The following PPP1R12C variants were observed in gnomAD, a reference collection of about 807,000 sequenced individuals.
PPP1R12C encodes protein phosphatase 1 regulatory subunit 12C.
In PPP1R12C, 48 loss-of-function variants were observed where a neutral mutation model predicts 95.6. The observed-to-expected ratio is 0.50, with a 90% CI of 0.40 to 0.64. The LOEUF (loss-of-function observed/expected upper bound fraction) is 0.64, where lower values mean the gene tolerates loss of function less well. Among genes scored for constraint, PPP1R12C ranks in the 30% least tolerant of loss-of-function variants. The probability of loss-of-function intolerance (pLI) is 0.00; values close to 1 mark genes in which losing one functional copy is unlikely to be tolerated. For synonymous variants in PPP1R12C, 480 were observed against 460.8 expected (o/e 1.04, Z -0.53); for missense variants, 1,057 against 1,083.3 (o/e 0.98, Z 0.34).
At chr19:55,112,942 CTGTT>C in intron 1 of PPP1R12C, 147 bp from the exon 2 acceptor site, 1 of 1,181,340 alleles carries the variant, frequency 8.5e-7, no homozygotes, top group Admixed American at 2.3e-5. Context: ...TGGCCACTGG[CTGTT>C]TAAGATACGC....
intron 1 of PPP1R12C, chr19:55,114,670 A>C (rs1030243687): frequency 3.3e-5 from 5 of 152,376 alleles, no homozygotes; most frequent in Non-Finnish European, 5.9e-5. Flanking sequence ...TTGGCCACGT[A>C]ACCTGAGAAG....
Position 55,109,143 on chromosome 19 carries a change from G to T in PPP1R12C, c.571+3324C>A, listed in dbSNP as rs2085069310. Among the ~76,000 whole-genome samples, 1 of 152,088 alleles carries T rather than the reference G, an allele frequency of 6.6e-6. No homozygotes were observed. Among genetic ancestry groups the T allele is most frequent in the Non-Finnish European group, 1.5e-5 (1 of 68,016 alleles). On this transcript the variant is annotated intron_variant, in intron 3 of 21. Transcript: ENST00000263433. This position sits in a 1 kb window ranked among gnomAD's most constrained non-coding sequence, Gnocchi z 4.4. ...TTTTGGTTTATTTGGTTGAGACAGG[G>T]TCTTGCCCCCAGGCTGGAGTGACCG...
intron 4 of PPP1R12C, among the ~76,000 whole-genome samples, chr19:55,101,601 T>G (rs1860325): frequency 0.94 from 142,647 of 152,336 alleles, 66,931 homozygotes; most frequent in East Asian, 1. Context: ...TGCTGGCTGG[T>G]ATGCAGGTGC....
chr19:55,103,765 G>A (rs1313741791), intron 3 of PPP1R12C, among the ~76,000 whole-genome samples, 197 bp from the exon 4 acceptor site: 1 of 152,050 alleles, frequency 6.6e-6, no homozygotes, highest in Non-Finnish European at 1.5e-5. Flanking sequence ...TCCCACTCAG[G>A]GTCTCTGAGT....
intron 4 of PPP1R12C, among the ~76,000 whole-genome samples, chr19:55,100,205 G>A (rs373100461): frequency 2.6e-5 from 4 of 152,038 alleles, no homozygotes; most frequent in African/African-American, 9.6e-5. Flanking sequence ...TGACCCCAAA[G>A]CCCCTCCTCA....
chr19:55,104,179 AGTATAT>A (rs2085009502), intron 3 of PPP1R12C, among the ~76,000 whole-genome samples: 1 of 104,368 alleles, frequency 9.6e-6, no homozygotes, highest in Non-Finnish European at 1.8e-5. Context: ...AAAAAAAAAA[AGTATAT>A]ATATATATAT....
intron 3 of PPP1R12C, among the ~76,000 whole-genome samples, chr19:55,108,439 G>A (rs1475384381): frequency 6.6e-6 from 1 of 151,696 alleles, no homozygotes; most frequent in African/African-American, 2.4e-5. Context: ...GACTAGCTTG[G>A]GCAACGTGGT....
In PPP1R12C at chr19:55,092,210, C is replaced by A; in HGVS notation, c.2160+12G>T. The A allele has an allele frequency of 6.4e-7, 1 of 1,552,612 alleles. No homozygotes were observed. ...CTGCCAGTTCCCGTGACCCTGGCCT[C>A]GGCGCCCTTACCTGCGTGGCCCGCT... is the stretch of plus-strand genomic sequence containing the variant. On this transcript the variant is annotated intron_variant, in intron 19 of 21. Coordinates refer to ENST00000263433, the MANE Select transcript of PPP1R12C (RefSeq NM_017607.4).
chr19:55,092,180 C>G (rs1390790774), intron 19 of PPP1R12C, 42 bp downstream of exon 19: 3 of 1,499,160 alleles, frequency 2.0e-6, no homozygotes, highest in Non-Finnish European at 1.8e-6. Context: ...CCCACCCAGG[C>G]GGCCCTGCCA....
In PPP1R12C at chr19:55,096,098, C is replaced by T. The variant is rs1428067509; in HGVS notation, c.1106G>A (p.Gly369Glu). ...ATCCTCGTCCTGGATGGGGGGCCCC[C>T]CAGCCCCACCAGGCCGGCGCTCCTT... ...LSKERRPGGA[G>E]GPPIQDEDEG... Residue 369 changes from glycine to glutamate, a missense_variant, in exon 8 of 22, where the codon GGG becomes GAG. This residue lies in a region of PPP1R12C where 356 missense variants were observed against 330.5 expected (regional missense o/e 1.08). Transcript: ENST00000263433. The T allele has an allele frequency of 1.9e-6, 3 of 1,600,352 alleles. No individual in the cohort carries two copies. The highest frequency in any genetic ancestry group is 2.6e-6 in the Non-Finnish European group (3 of 1,174,862).
At position 55,097,100 on chromosome 19, in the gene PPP1R12C, G is replaced by A. The variant is rs1248009142; in HGVS notation, c.952-765C>T. On this transcript the variant is annotated intron_variant, in intron 6 of 21. Transcript: ENST00000263433. ...ACCACCGTCTTCACCCCTACCCCGC[G>A]CAGTTCGCAGTTCACCACCGTCTTC... The A allele has an allele frequency of 1.2e-3, 179 of 147,568 alleles. 1 individual carries two copies. The highest frequency in any genetic ancestry group is 1.6e-3 in the Non-Finnish European group (135 of 83,294). 9.1% of individuals were successfully genotyped at this position (147,568 alleles called of 1,614,324 possible). A position where few individuals can be genotyped will look rare whatever the true frequency, so the allele number is the denominator to read the frequency against.
chr19:55,116,475 G>A (rs2085155010), intron 1 of PPP1R12C, among the ~76,000 whole-genome samples: 1 of 152,058 alleles, frequency 6.6e-6, no homozygotes, highest in African/African-American at 2.4e-5. Flanking sequence ...AGGCGGCAGG[G>A]AAGGATCTGG....
intron 4 of PPP1R12C, 87 bp downstream of exon 4, chr19:55,103,322 C>T (rs529992865): frequency 3.8e-5 from 48 of 1,274,588 alleles, no homozygotes; most frequent in East Asian, 5.6e-5. Flanking sequence ...ACATAGCCTT[C>T]GGTACATACA....
Position 55,117,600 on chromosome 19 carries a change from A to ACCCG in PPP1R12C, c.-61_-58dup, listed in dbSNP as rs567100009. The ACCCG allele has an allele frequency of 1.5e-3, 1,345 of 879,470 alleles. 4 individuals are homozygous for ACCCG. The highest frequency in any genetic ancestry group is 9.5e-3 in the South Asian group (180 of 18,916). 54.5% of individuals were successfully genotyped at this position (879,470 alleles called of 1,614,324 possible). A position where few individuals can be genotyped will look rare whatever the true frequency, so the allele number is the denominator to read the frequency against. The stretch of plus-strand genomic sequence containing the variant: ...GCGCCGAGCCCCAACCGCCGCCACC[A>ACCCG]CCCGCCCGCCCGCCCGCCCCGGGGG... On this transcript the variant is annotated 5_prime_UTR_variant, in exon 1 of 22. Transcript: ENST00000263433.
At chr19:55,108,223 C>A (rs1362831477) in intron 3 of PPP1R12C, among the ~76,000 whole-genome samples, 1 of 152,002 alleles carries the variant, frequency 6.6e-6, no homozygotes, top group Non-Finnish European at 1.5e-5. Context: ...GCCTGAGCCA[C>A]CGCGCCCAGC....
chr19:55,103,144 C>T (rs2084996639), intron 4 of PPP1R12C, among the ~76,000 whole-genome samples: 2 of 151,852 alleles, frequency 1.3e-5, no homozygotes, highest in Non-Finnish European at 2.9e-5. Flanking sequence ...CAGTGAGCCA[C>T]GACTGTGCCA....
intron 17 of PPP1R12C, 24 bp from the exon 18 acceptor site, chr19:55,092,568 T>C (rs2084857683): frequency 6.3e-7 from 1 of 1,580,186 alleles, no homozygotes; most frequent in South Asian, 1.1e-5. Context: ...GGAGCGCGCG[T>C]CAGGGGCCGG....
In PPP1R12C at chr19:55,095,890, G is replaced by A. The variant is rs1430120589; in HGVS notation, c.1204C>T (p.His402Tyr). ...ACCACGGGACTCTTAGGGCTGGGGT[G>A]CGGCGGGGAGGAGACGCCATTGAGG... is the stretch of plus-strand genomic sequence containing the variant. ...RTLNGVSSPP[H>Y]PSPKSPVQLE... The change falls in exon 9 of 22, where the codon CAC becomes TAC. Residue 402 changes from histidine (H) to tyrosine (Y), a missense_variant. This residue lies in a region of PPP1R12C where 356 missense variants were observed against 330.5 expected (regional missense o/e 1.08). Coordinates refer to ENST00000263433, the MANE Select transcript of PPP1R12C (RefSeq NM_017607.4). 1 of 1,613,600 alleles carries A rather than the reference G, an allele frequency of 6.2e-7. No homozygotes were observed. The highest frequency in any genetic ancestry group is 8.5e-7 in the Non-Finnish European group (1 of 1,179,952).
intron 16 of PPP1R12C, 24 bp from the exon 17 acceptor site, chr19:55,092,686 C>G (rs1409312045): frequency 6.6e-7 from 1 of 1,525,406 alleles, no homozygotes; most frequent in Non-Finnish European, 8.8e-7. Context: ...GACGGGGGTT[C>G]AATGGGTATG....
Sources: allele counts gnomAD v4.1 joint callset (sites outside exome capture counted in the v4.1 genomes callset), GRCh38; gene constraint gnomAD v4.1.1; regional missense constraint gnomAD v4.1.1; non-coding constraint Gnocchi (gnomAD v3.1); transcripts MANE v1.5; gene names NCBI Gene and HGNC (gene_info 2026-07-23, HGNC 2026-07-21).